The following NRXN1 variants were observed in gnomAD, a reference collection of about 807,000 sequenced individuals.
The protein encoded by NRXN1 is neurexin 1, also known as neurexin-1.
Under a neutral mutation model 150.9 loss-of-function variants are expected in NRXN1, and 39 were observed. That is an observed-to-expected ratio of 0.26 (90% CI 0.20 to 0.34). The LOEUF is 0.34. NRXN1 is among the 10% of genes least tolerant of loss of function. The pLI, the probability that NRXN1 is intolerant of heterozygous loss-of-function variation, is 1.00. For missense variants in NRXN1, 1,815 were observed against 1,949.9 expected, an observed-to-expected ratio of 0.93 and a Z score of 1.30; for synonymous variants, 924 against 757.0, an observed-to-expected ratio of 1.22 and a Z score of -3.62.
Position 50,434,241 on chromosome 2 carries a change from TG to T in NRXN1, c.3364+31200del, listed in dbSNP as rs201987097. ...TGCCCGGCTAATTTTTTGTATTTTT[TG>T]TTGTTGTTGTTGCTTTTTTTTGGTA... On this transcript the variant is annotated intron_variant, in intron 17 of 22. Transcript: ENST00000401669. 9.5e-5 allele frequency among the ~76,000 whole-genome samples: 14 copies of T among 147,580 alleles called. 1 individual carries two copies. The highest frequency in any genetic ancestry group is 2.7e-4 in the African/African-American group (11 of 40,094).
At chr2:50,065,009 G>C (rs369101361) in intron 19 of NRXN1, among the ~76,000 whole-genome samples, 1 of 152,130 alleles carries the variant, frequency 6.6e-6, no homozygotes, top group African/African-American at 2.4e-5. Flanking sequence ...TTGTCAGACA[G>C]CAGGACTAGA....
At chr2:50,135,212 CT>C in intron 18 of NRXN1, among the ~76,000 whole-genome samples, 1 of 152,282 alleles carries the variant, frequency 6.6e-6, no homozygotes, top group Non-Finnish European at 1.5e-5. Flanking sequence ...TTGAGGCACT[CT>C]ACTAGATGCT....
chr2:50,649,587 C>T (rs964492852), intron 5 of NRXN1, among the ~76,000 whole-genome samples: 1 of 151,974 alleles, frequency 6.6e-6, no homozygotes, highest in South Asian at 2.1e-4. Context: ...CCCCTCTTTG[C>T]TTGAGGGTGG....
intron 18 of NRXN1, among the ~76,000 whole-genome samples, chr2:50,148,523 G>T (rs2058502571): frequency 6.6e-6 from 1 of 151,536 alleles, no homozygotes; most frequent in African/African-American, 2.4e-5. Flanking sequence ...ATCACCATTT[G>T]ATTGAGTTTA....
intron 8 of NRXN1, among the ~76,000 whole-genome samples, chr2:50,602,177 G>A (rs1020880952): frequency 1.4e-4 from 21 of 152,178 alleles, no homozygotes; most frequent in African/African-American, 4.8e-4. Context: ...AATGAGATTT[G>A]GAAAATTCAT....
At chr2:50,586,529 A>G (rs565292827) in intron 8 of NRXN1, among the ~76,000 whole-genome samples, 3 of 152,232 alleles carry the variant, frequency 2.0e-5, no homozygotes, top group African/African-American at 7.2e-5. Flanking sequence ...AAATTTTTTA[A>G]TGAGTGAATG....
rs181087448 is a variant in NRXN1, at chr2:50,728,428, C to A, written c.833-104813G>T. ...CACACAAAGTATTCAATTGCTTTTC[C>A]CTACAGATGCAGAAAACCATCAACC... On this transcript the variant is annotated intron_variant, in intron 5 of 22. Transcript: ENST00000401669. Among the ~76,000 whole-genome samples the A allele has an allele frequency of 3.7e-4, 56 of 152,204 alleles. No individual in the cohort carries two copies. In the East Asian group the frequency reaches 9.4e-3, roughly 26 times the overall value.
intron 5 of NRXN1, among the ~76,000 whole-genome samples, chr2:50,870,952 A>G (rs1031261763): frequency 6.6e-6 from 1 of 151,920 alleles, no homozygotes; most frequent in African/African-American, 2.4e-5. Context: ...ATAAGTTAAC[A>G]ATAGTTTTTG....
At chr2:50,276,141 C>A (rs1237999617) in intron 17 of NRXN1, among the ~76,000 whole-genome samples, 6 of 152,036 alleles carry the variant, frequency 3.9e-5, no homozygotes, top group Admixed American at 1.3e-4. Flanking sequence ...ACAACCACAA[C>A]AAAAAAAGGC....
At chr2:50,067,149 C>T (rs920065996) in intron 19 of NRXN1, among the ~76,000 whole-genome samples, 4 of 152,082 alleles carry the variant, frequency 2.6e-5, no homozygotes, top group Non-Finnish European at 5.9e-5. Flanking sequence ...TGATGTTGGG[C>T]GTAGAAGGCT....
At chr2:50,904,825 G>C (rs1168025093) in intron 5 of NRXN1, among the ~76,000 whole-genome samples, 1 of 151,930 alleles carries the variant, frequency 6.6e-6, no homozygotes, top group Non-Finnish European at 1.5e-5. Flanking sequence ...TGTCTCCCTG[G>C]ATGTCTTCTT....
At chr2:50,620,393 A>G (rs1181871559) in intron 7 of NRXN1, among the ~76,000 whole-genome samples, 2 of 152,204 alleles carry the variant, frequency 1.3e-5, no homozygotes, top group East Asian at 3.9e-4. Flanking sequence ...ATTCTATTCA[A>G]CTAGCCCTAA....
intron 17 of NRXN1, among the ~76,000 whole-genome samples, chr2:50,443,828 T>TTTAAGAGG: frequency 1.3e-5 from 2 of 152,222 alleles, no homozygotes; most frequent in African/African-American, 4.8e-5. Context: ...ACTTTCAATA[T>TTTAAGAGG]ACACTTTATA....
chr2:50,192,283 T>G (rs939670095), intron 18 of NRXN1, among the ~76,000 whole-genome samples: 8 of 152,196 alleles, frequency 5.3e-5, no homozygotes, highest in Non-Finnish European at 1.0e-4. Flanking sequence ...ATAGTATCAT[T>G]TTCTTTAAAG....
chr2:50,940,853 G>C (rs1280731086), intron 2 of NRXN1, among the ~76,000 whole-genome samples: 1 of 152,108 alleles, frequency 6.6e-6, no homozygotes, highest in Non-Finnish European at 1.5e-5. Context: ...CTGAAACTAT[G>C]TATATCAGAA....
chr2:50,538,035 T>G lies in NRXN1; in HGVS notation c.2143+218A>C, dbSNP rs2093305174. ...TACTAAAGATTCAAGTTTCTATTCC[T>G]GCAATATACTTAAGAACTGTGTCCT... On this transcript the variant is annotated intron_variant, in intron 10 of 22. Transcript: ENST00000401669. 2.6e-5 allele frequency among the ~76,000 whole-genome samples: 4 copies of G among 152,292 alleles called. No homozygotes were observed. The South Asian group carries it at 8.3e-4, about 32-fold the overall frequency.
chr2:50,622,938 C>A (rs2104288725), intron 6 of NRXN1, among the ~76,000 whole-genome samples: 1 of 152,238 alleles, frequency 6.6e-6, no homozygotes, highest in South Asian at 2.1e-4. Flanking sequence ...AAAAAAGGAA[C>A]TGTGACTTAA....
chr2:50,124,429 T>C (rs1704287324), intron 18 of NRXN1, among the ~76,000 whole-genome samples: 2 of 152,316 alleles, frequency 1.3e-5, no homozygotes, highest in South Asian at 2.1e-4. Context: ...TATTTCATTA[T>C]AGATTCTAGT....
chr2:50,182,933 T>C (rs1406916671), intron 18 of NRXN1, among the ~76,000 whole-genome samples: 6 of 151,998 alleles, frequency 3.9e-5, no homozygotes, highest in African/African-American at 1.4e-4. Context: ...TGGTAAAATA[T>C]CTAAATTATC....
Sources: allele counts gnomAD v4.1 joint callset (sites outside exome capture counted in the v4.1 genomes callset), GRCh38; gene constraint gnomAD v4.1.1; transcripts MANE v1.5; gene names NCBI Gene and HGNC (gene_info 2026-07-23, HGNC 2026-07-21).